Variants in BRWD1 observed in about 807,000 individuals in gnomAD.
BRWD1 encodes the protein bromodomain and WD repeat domain containing 1.
A neutral mutation model predicts 251.2 loss-of-function variants in BRWD1; 82 were observed. The ratio of observed to expected loss-of-function variants is 0.33; its 90% CI spans 0.27 to 0.39. The LOEUF (loss-of-function observed/expected upper bound fraction) is 0.39. Ranked by LOEUF, BRWD1 falls within the 10% of genes least tolerant of loss-of-function variation. The pLI is 1.00. For synonymous variants in BRWD1, 918 were observed against 902.8 expected (o/e 1.02, Z -0.30); for missense variants, 2,233 against 2,711.6 (o/e 0.82, Z 3.92).
chr21:39,295,761 T>C lies in BRWD1; in HGVS notation c.591A>G (p.Thr197=). 1 of 1,602,636 alleles carries C rather than the reference T, an allele frequency of 6.2e-7. No individual in the cohort carries two copies. Among genetic ancestry groups the C allele is most frequent in the Non-Finnish European group, 8.5e-7 (1 of 1,173,752 alleles). Reference sequence around the variant, plus strand: ...TACTCACTGTAAAGATTCTATGTCCTGTCCTATCAAATGCTACACAGTAAA... The same window carrying C: ...TACTCACTGTAAAGATTCTATGTCCCGTCCTATCAAATGCTACACAGTAAA... ...SAVYCVAFDR[T]GHRIFTGSDD... The change falls in exon 7 of 41, where the codon ACA becomes ACG. Residue 197 remains threonine, a synonymous_variant. Coordinates refer to ENST00000342449, the MANE Select transcript of BRWD1 (RefSeq NM_033656.4).
At chr21:39,218,683 T>TGAGAG in intron 29 of BRWD1, 23 bp from the exon 30 acceptor site, 1 of 1,544,382 alleles carries the variant, frequency 6.5e-7, no homozygotes, top group Non-Finnish European at 8.7e-7. Context: ...TAAAAAACAA[T>TGAGAG]GAGAGGAAGA....
chr21:39,200,102 A>C, intron 39 of BRWD1, 117 bp downstream of exon 39: 1 of 992,774 alleles, frequency 1.0e-6, no homozygotes, highest in Non-Finnish European at 1.4e-6. Flanking sequence ...AAATCTAAGG[A>C]ACCTAAAGGA....
At chr21:39,202,601 G>T in intron 37 of BRWD1, 56 bp from the exon 38 acceptor site, 1 of 1,252,250 alleles carries the variant, frequency 8.0e-7, no homozygotes, top group Non-Finnish European at 1.1e-6. Context: ...AAGATAATTG[G>T]TTCACAGAGA....
chr21:39,316,389 A>G (rs1025718255), upstream of BRWD1, among the ~76,000 whole-genome samples: 3 of 152,228 alleles, frequency 2.0e-5, no homozygotes, highest in African/African-American at 7.2e-5. Flanking sequence ...ATTTGAAGTT[A>G]CAGTGCATAG....
intron 37 of BRWD1, among the ~76,000 whole-genome samples, chr21:39,205,834 T>C (rs1363760944): frequency 1.3e-5 from 2 of 151,792 alleles, no homozygotes; most frequent in East Asian, 1.9e-4. Context: ...AATCCCAACA[T>C]TGTGGGAGGC....
chr21:39,312,759 G>A (rs2036535385), intron 4 of BRWD1, 82 bp downstream of exon 4: 2 of 1,194,100 alleles, frequency 1.7e-6, no homozygotes, highest in Non-Finnish European at 2.4e-6. Context: ...CACCCCACGG[G>A]CCGGGGTCCC....
At chr21:39,264,408 A>G in intron 17 of BRWD1, 52 bp downstream of exon 17, 1 of 1,108,726 alleles carries the variant, frequency 9.0e-7, no homozygotes, top group Non-Finnish European at 1.3e-6. Flanking sequence ...ATTATACTTT[A>G]AAATATTCAA....
intron 5 of BRWD1, 182 bp from the exon 6 acceptor site, chr21:39,296,545 C>A (rs2035966478): frequency 1.7e-5 from 21 of 1,235,878 alleles, no homozygotes; most frequent in Non-Finnish European, 2.1e-5. Flanking sequence ...ATTAAGACAT[C>A]TCAGATACAG....
rs2031611267 is a variant in BRWD1, at chr21:39,192,637, T to G, written c.*3622A>C. On this transcript the variant is annotated 3_prime_UTR_variant, in exon 41 of 41. Coordinates refer to ENST00000342449, the MANE Select transcript of BRWD1 (RefSeq NM_033656.4). The stretch of plus-strand genomic sequence containing the variant: ...ATACCTGATAAATAAATATATCAAC[T>G]TACTATTCATGAAAAGAATGGAGCT... 7.1e-6 allele frequency: 7 copies of G among 984,496 alleles called. No homozygotes were observed. The highest frequency in any genetic ancestry group is 7.2e-6 in the Non-Finnish European group (6 of 829,264). The allele number at this position is 984,496 out of a possible 1,614,324, so 61.0% of individuals were successfully genotyped here.
At position 39,290,523 on chromosome 21, in the gene BRWD1, A is replaced by G. The variant is rs186108819; in HGVS notation, c.831+3288T>C. Among the ~76,000 whole-genome samples, 46 of 152,020 alleles carry G rather than the reference A, an allele frequency of 3.0e-4. 1 individual carries two copies. In the East Asian group the frequency reaches 8.3e-3, roughly 28 times the overall value. ...AAAAAAAAAAATGTACTACTACCCA[A>G]TTAGATTGTTCAGATATATTCAGTA... is the stretch of plus-strand genomic sequence containing the variant. On this transcript the variant is annotated intron_variant, in intron 8 of 40. Transcript: ENST00000342449.
rs1282810973 is a variant in BRWD1, at chr21:39,312,892, C to A, written c.147G>T (p.Pro49=). 6.6e-7 allele frequency: 1 copy of A among 1,523,184 alleles called. No homozygotes were observed. Among genetic ancestry groups the A allele is most frequent in the Non-Finnish European group, 8.8e-7 (1 of 1,135,188 alleles). 94.4% of individuals were successfully genotyped at this position (1,523,184 alleles called of 1,614,324 possible). A position where few individuals can be genotyped will look rare whatever the true frequency, so the allele number is the denominator to read the frequency against. The part of the protein sequence containing the change: ...VQELEQYQLL[P]KRLDWEGNEH... Reference sequence around the variant, plus strand: ...CGTTGCCCTCCCAGTCCAATCTCTTCGGCAACAACTGGAAAGACACGAAAC... The same window carrying A: ...CGTTGCCCTCCCAGTCCAATCTCTTAGGCAACAACTGGAAAGACACGAAAC... Residue 49 remains proline, a synonymous_variant, in exon 4 of 41, where the codon CCG becomes CCT. Transcript: ENST00000342449.
intron 4 of BRWD1, among the ~76,000 whole-genome samples, chr21:39,302,111 G>C (rs2146775362): frequency 6.8e-6 from 1 of 148,140 alleles, no homozygotes; most frequent in Non-Finnish European, 1.5e-5. Context: ...AGCCTCCCAA[G>C]TAGCTGGGAT....
rs755641402 is a variant in BRWD1, at chr21:39,187,339, G to A, written c.*8920C>T. ...CATTTTTGCTTTCAGAGTTTCACTAGGCATCTGCACTGCATCCTTCTGATT... is the reference window on the plus strand; with the variant it reads ...CATTTTTGCTTTCAGAGTTTCACTAAGCATCTGCACTGCATCCTTCTGATT... On this transcript the variant is annotated 3_prime_UTR_variant, in exon 41 of 41. Coordinates refer to ENST00000342449, the MANE Select transcript of BRWD1 (RefSeq NM_033656.4). 3.7e-6 allele frequency: 6 copies of A among 1,613,696 alleles called. No homozygotes were observed. In the African/African-American group the frequency reaches 8.0e-5, roughly 22 times the overall value.
At chr21:39,262,370 C>A in intron 17 of BRWD1, among the ~76,000 whole-genome samples, 1 of 152,184 alleles carries the variant, frequency 6.6e-6, no homozygotes, top group African/African-American at 2.4e-5. Context: ...CATGCAACAA[C>A]ACTAATGAAT....
rs374230917 is a variant in BRWD1, at chr21:39,197,228, A to T, written c.5841T>A (p.Asp1947Glu). The change falls in exon 41 of 41, where the codon GAT (aspartate) becomes GAA (glutamate). Residue 1947 changes from aspartate (D) to glutamate (E), a missense_variant. Asp to Glu is a conservative substitution (Grantham distance 45, BLOSUM62 2). Transcript: ENST00000342449. ...NKIKLMSDVE[D>E]VSLENVHTRS... ...TAGTGTGCACATTTTCTAAACTGACATCTTCTACATCACTCATGAGCTTGA... is the reference window on the plus strand; with the variant it reads ...TAGTGTGCACATTTTCTAAACTGACTTCTTCTACATCACTCATGAGCTTGA... 1.2e-6 allele frequency: 2 copies of T among 1,613,934 alleles called. No homozygotes were observed. The highest frequency in any genetic ancestry group is 1.7e-6 in the Non-Finnish European group (2 of 1,179,948).
chr21:39,232,533 A>C, intron 23 of BRWD1, 35 bp from the exon 24 acceptor site: 1 of 1,577,632 alleles, frequency 6.3e-7, no homozygotes. Context: ...TTCTTAGATT[A>C]GAAAGGGGCA....
intron 4 of BRWD1, among the ~76,000 whole-genome samples, chr21:39,303,755 T>C (rs1340045518): frequency 6.6e-6 from 1 of 151,082 alleles, no homozygotes; most frequent in Non-Finnish European, 1.5e-5. Flanking sequence ...CCCAGGAGGC[T>C]GAGGCTGCAG....
intron 21 of BRWD1, among the ~76,000 whole-genome samples, chr21:39,246,384 GA>G (rs1438812079): frequency 6.6e-6 from 1 of 152,200 alleles, no homozygotes; most frequent in African/African-American, 2.4e-5. Flanking sequence ...AGGATGTAGA[GA>G]AACTGGAACT....
In BRWD1 at chr21:39,193,723, C is replaced by A; in HGVS notation, c.*2536G>T. On this transcript the variant is annotated 3_prime_UTR_variant, in exon 41 of 41. Coordinates refer to ENST00000342449, the MANE Select transcript of BRWD1 (RefSeq NM_033656.4). ...ACCCTTTATCTTTTTCTCAAGAATA[C>A]TACAAACTGACCCTAAACATTAAAG... The A allele has an allele frequency of 1.0e-6, 1 of 985,486 alleles. No homozygotes were observed. Among genetic ancestry groups the A allele is most frequent in the African/African-American group, 1.7e-5 (1 of 57,318 alleles). The allele number at this position is 985,486 out of a possible 1,614,324, so 61.0% of individuals were successfully genotyped here. A position where few individuals can be genotyped will look rare whatever the true frequency, so the allele number is the denominator to read the frequency against.
Sources: gnomAD v4.1 joint callset for allele counts (sites outside exome capture counted in the v4.1 genomes callset) on GRCh38, gnomAD v4.1.1 for gene constraint, MANE v1.5 for transcripts, NCBI Gene and HGNC (gene_info 2026-07-23, HGNC 2026-07-21) for gene names.